The following PDZD2 variants were observed in gnomAD, a reference collection of about 807,000 sequenced individuals.
PDZD2 encodes PDZ domain-containing protein 2.
In PDZD2, 90 loss-of-function variants were observed where a neutral mutation model predicts 220.7. The ratio of observed to expected loss-of-function variants is 0.41; its 90% CI spans 0.34 to 0.49. PDZD2 has a LOEUF of 0.49. PDZD2 is among the 20% of genes least tolerant of loss of function. PDZD2 has a pLI of 0.28. For missense variants in PDZD2, 3,174 were observed against 3,608.5 expected (o/e 0.88, Z 3.08); for synonymous variants, 1,375 against 1,450.5 (o/e 0.95, Z 1.18).
At position 32,074,560 on chromosome 5, in the gene PDZD2, C is replaced by G; in HGVS notation, c.3454C>G (p.Pro1152Ala). The G allele has an allele frequency of 1.2e-6, 2 of 1,614,052 alleles. No individual in the cohort carries two copies. The highest frequency in any genetic ancestry group is 4.5e-5 in the East Asian group (2 of 44,884). The change falls in exon 18 of 25, where the codon CCA becomes GCA. Residue 1152 changes from proline (P) to alanine (A), a missense_variant. Pro to Ala is a conservative substitution (Grantham distance 27). Coordinates refer to ENST00000438447, the MANE Select transcript of PDZD2 (RefSeq NM_178140.4). The part of the protein sequence containing the change: ...TVNLTGRAND[P>A]CDLDSRVQAT... ...GAACCTGACTGGCAGAGCCAATGAT[C>G]CATGCGATCTGGACTCGAGAGTCCA...
chr5:31,655,468 G>A (rs1456989105), intron 1 of PDZD2, among the ~76,000 whole-genome samples: 1 of 152,150 alleles, frequency 6.6e-6, no homozygotes, highest in Non-Finnish European at 1.5e-5. Context: ...ACTGCGCCCG[G>A]CCTAGTTTTT....
At chr5:31,946,433 C>T (rs1746636311) in intron 2 of PDZD2, among the ~76,000 whole-genome samples, 1 of 152,156 alleles carries the variant, frequency 6.6e-6, no homozygotes, top group Non-Finnish European at 1.5e-5. Flanking sequence ...GATTGTTGGG[C>T]CCTCCGGCGG....
chr5:31,984,361 C>T (rs898626306), intron 3 of PDZD2, among the ~76,000 whole-genome samples: 1 of 152,178 alleles, frequency 6.6e-6, no homozygotes, highest in African/African-American at 2.4e-5. Context: ...AACCAACATT[C>T]TGTCCTATGA....
At chr5:31,739,964 T>A (rs1750147924) in intron 1 of PDZD2, among the ~76,000 whole-genome samples, 1 of 152,214 alleles carries the variant, frequency 6.6e-6, no homozygotes, top group Non-Finnish European at 1.5e-5. Context: ...AATACTCTCA[T>A]AGTAAGCAGA....
chr5:31,725,732 C>T (rs1580630088), intron 1 of PDZD2: 5 of 889,872 alleles, frequency 5.6e-6, no homozygotes, highest in Admixed American at 1.8e-5. Context: ...AGGCCTGCAA[C>T]GTGATTTAGC....
intron 10 of PDZD2, among the ~76,000 whole-genome samples, chr5:32,055,582 T>C (rs544541623): frequency 6.6e-6 from 1 of 152,334 alleles, no homozygotes; most frequent in Admixed American, 6.5e-5. Context: ...TTGAAATATT[T>C]AAAGTAGAAT....
chr5:31,682,202 G>C lies in PDZD2; in HGVS notation c.-361+42765G>C, dbSNP rs929533124. ...CCTGGAGGACCCACGGGGAGGGGGA[G>C]AGCTACTACACAAGCTTCGCAGAGG... On this transcript the variant is annotated intron_variant, in intron 1 of 24. Transcript: ENST00000438447. Among the ~76,000 whole-genome samples, 4 of 152,178 alleles carry C rather than the reference G, an allele frequency of 2.6e-5. No homozygotes were observed. In the South Asian group the frequency reaches 8.3e-4, roughly 32 times the overall value.
Position 32,039,884 on chromosome 5 carries a change from T to G in PDZD2, c.1519+2542T>G, listed in dbSNP as rs372049772. 5.3e-5 allele frequency among the ~76,000 whole-genome samples: 7 copies of G among 131,206 alleles called. No individual in the cohort carries two copies. In the East Asian group the frequency reaches 1.4e-3, roughly 27 times the overall value. 86.1% of individuals were successfully genotyped at this position (131,206 alleles called of 152,430 possible). A position where few individuals can be genotyped will look rare whatever the true frequency, so the allele number is the denominator to read the frequency against. ...CCCGGCTGCCCCATCTGGGAGGAAG[T>G]GAGGAGCGCCTCTGCCCGGCGGCCC... On this transcript the variant is annotated intron_variant, in intron 7 of 24. Transcript: ENST00000438447.
intron 2 of PDZD2, among the ~76,000 whole-genome samples, chr5:31,892,097 A>C (rs771814665): frequency 1.3e-5 from 2 of 151,728 alleles, no homozygotes; most frequent in African/African-American, 2.4e-5. Context: ...TTTTTTGTAG[A>C]GATGTCTCAT....
chr5:32,007,032 C>T (rs964483588), intron 5 of PDZD2, among the ~76,000 whole-genome samples: 44 of 150,954 alleles, frequency 2.9e-4, no homozygotes, highest in African/African-American at 1.1e-3. Context: ...TCTCCTGCCT[C>T]AGCCTCCTGA....
rs1402468899 is a variant in PDZD2, at chr5:31,852,989, T to C, written c.476+53265T>C. ...GAAAGAAGCTAAAACATTGGGAAAC[T>C]GTTGTGGAAAAAACACTCAGAAAGG... On this transcript the variant is annotated intron_variant, in intron 2 of 24. Coordinates refer to ENST00000438447, the MANE Select transcript of PDZD2 (RefSeq NM_178140.4). 2.0e-5 allele frequency among the ~76,000 whole-genome samples: 3 copies of C among 152,234 alleles called. No individual in the cohort carries two copies. In the East Asian group the frequency reaches 5.8e-4, roughly 29 times the overall value.
At chr5:31,962,858 A>G (rs1025189054) in intron 2 of PDZD2, among the ~76,000 whole-genome samples, 1 of 152,056 alleles carries the variant, frequency 6.6e-6, no homozygotes, top group African/African-American at 2.4e-5. Context: ...GTCCCCTTCC[A>G]GATTCTTCCA....
intron 1 of PDZD2, among the ~76,000 whole-genome samples, chr5:31,676,575 T>TC (rs1746431483): frequency 3.3e-5 from 5 of 151,050 alleles, no homozygotes; most frequent in Admixed American, 3.3e-4. Flanking sequence ...TCTCTTTTTT[T>TC]TTTTTTTTTG....
At chr5:31,766,075 G>T (rs76529909) in intron 1 of PDZD2, among the ~76,000 whole-genome samples, 31,896 of 152,036 alleles carry the variant, frequency 0.21, 4,996 homozygotes, top group East Asian at 0.81. Flanking sequence ...AGCTACTCAG[G>T]GGGCTGGGGT....
At chr5:31,784,767 C>T (rs530553031) in intron 1 of PDZD2, among the ~76,000 whole-genome samples, 3 of 152,160 alleles carry the variant, frequency 2.0e-5, no homozygotes, top group South Asian at 2.1e-4. Context: ...ATTAGCCAGG[C>T]GTGGTGGCAC....
intron 2 of PDZD2, among the ~76,000 whole-genome samples, chr5:31,829,046 T>C (rs1756396253): frequency 6.6e-6 from 1 of 152,204 alleles, no homozygotes; most frequent in Non-Finnish European, 1.5e-5. Flanking sequence ...TTCAGAGAGC[T>C]GTTGGACAGG....
At chr5:31,778,064 G>C (rs905174691) in intron 1 of PDZD2, among the ~76,000 whole-genome samples, 4 of 152,108 alleles carry the variant, frequency 2.6e-5, no homozygotes, top group Non-Finnish European at 4.4e-5. Context: ...CTAGCTAAAG[G>C]TTTGTAAATG....
Position 31,963,870 on chromosome 5 carries a change from CCA to C in PDZD2, c.477-19277_477-19276del, listed in dbSNP as rs569944847. Among the ~76,000 whole-genome samples, 8 of 152,190 alleles carry C rather than the reference CCA, an allele frequency of 5.3e-5. No homozygotes were observed. In the South Asian group the frequency reaches 1.7e-3, roughly 32 times the overall value. ...CCCAATGCCCAGCACCCAGGCATGC[CCA>C]CACACACCCCCATCCTTCTCAATGC... On this transcript the variant is annotated intron_variant, in intron 2 of 24. Transcript: ENST00000438447.
intron 1 of PDZD2, among the ~76,000 whole-genome samples, chr5:31,664,568 C>G (rs1745908305): frequency 6.6e-6 from 1 of 152,272 alleles, no homozygotes; most frequent in Non-Finnish European, 1.5e-5. Context: ...AAATGGTTCA[C>G]AGCCAAACCT....
Sources: gnomAD v4.1 joint callset for allele counts (sites outside exome capture counted in the v4.1 genomes callset) on GRCh38, gnomAD v4.1.1 for gene constraint, MANE v1.5 for transcripts, NCBI Gene and HGNC (gene_info 2026-07-23, HGNC 2026-07-21) for gene names.